The following RBMS3 variants were observed in gnomAD, a reference collection of about 807,000 sequenced individuals.
RBMS3 encodes RNA-binding motif, single-stranded-interacting protein 3.
A neutral mutation model predicts 66.8 loss-of-function variants in RBMS3; 27 were observed. The observed-to-expected ratio is 0.40, with a 90% CI of 0.30 to 0.56. RBMS3 has a LOEUF of 0.56. Ranked by LOEUF, RBMS3 falls within the 20% of genes least tolerant of loss-of-function variation. The pLI, the probability that RBMS3 is intolerant of heterozygous loss-of-function variation, is 0.40. For synonymous variants in RBMS3, 188 were observed against 183.0 expected, an observed-to-expected ratio of 1.03 and a Z score of -0.22; for missense variants, 513 against 549.5, an observed-to-expected ratio of 0.93 and a Z score of 0.66.
chr3:29,785,933 C>A (rs2056802172), intron 6 of RBMS3, among the ~76,000 whole-genome samples: 1 of 151,760 alleles, frequency 6.6e-6, no homozygotes, highest in East Asian at 1.9e-4. Context: ...GATCGTATAC[C>A]TAGAAAACCC....
At chr3:29,609,423 T>C (rs932732342) in intron 4 of RBMS3, among the ~76,000 whole-genome samples, 1 of 151,968 alleles carries the variant, frequency 6.6e-6, no homozygotes, top group Non-Finnish European at 1.5e-5. Flanking sequence ...GTACAGTGAT[T>C]CTGGGCATCC....
At chr3:29,855,700 C>T (rs186523089) in intron 6 of RBMS3, among the ~76,000 whole-genome samples, 1 of 152,286 alleles carries the variant, frequency 6.6e-6, no homozygotes, top group Admixed American at 6.5e-5. Context: ...AAAAGCCTGA[C>T]AGATATATCC....
rs538358161 is a variant in RBMS3, at chr3:29,293,673, A to G, written c.75+11917A>G. On this transcript the variant is annotated intron_variant, in intron 1 of 14. Transcript: ENST00000383767. ...CTTGCTTTAACATTGTGTCTTCTCC[A>G]TCTCCCTGTCTTTCCCAGATTGTCC... Among the ~76,000 whole-genome samples the G allele has an allele frequency of 2.8e-4, 42 of 151,208 alleles. 1 individual carries two copies. The South Asian group carries it at 6.8e-3, about 25-fold the overall frequency.
intron 6 of RBMS3, among the ~76,000 whole-genome samples, chr3:29,854,660 G>GT (rs1276528766): frequency 6.6e-6 from 1 of 151,848 alleles, no homozygotes; most frequent in African/African-American, 2.4e-5. Flanking sequence ...GTAAAGAATG[G>GT]TTTTACTTTG....
chr3:29,973,700 C>G lies in RBMS3; in HGVS notation c.1099-14443C>G, dbSNP rs146345113. 1.2e-4 allele frequency among the ~76,000 whole-genome samples: 19 copies of G among 152,110 alleles called. No homozygotes were observed. In the East Asian group the frequency reaches 3.7e-3, roughly 29 times the overall value. ...GCTCCTCACTTCTGGTGACCTTTCT[C>G]TATTCTATCCTAGAATTTATCTTTA... is the stretch of plus-strand genomic sequence containing the variant. On this transcript the variant is annotated intron_variant, in intron 12 of 14. Transcript: ENST00000383767.
chr3:29,707,305 G>A (rs1184145192), intron 4 of RBMS3, among the ~76,000 whole-genome samples: 1 of 152,168 alleles, frequency 6.6e-6, no homozygotes, highest in Admixed American at 6.5e-5. Flanking sequence ...AAATAAATCA[G>A]TCTACTTTTG....
chr3:29,349,698 G>A (rs557699151), intron 1 of RBMS3, among the ~76,000 whole-genome samples: 68 of 152,216 alleles, frequency 4.5e-4, no homozygotes, highest in African/African-American at 1.5e-3. Context: ...GTATTGTATC[G>A]TGTGTCTAAC....
chr3:29,835,236 G>A lies in RBMS3; in HGVS notation c.638-33622G>A, dbSNP rs148402382. Among the ~76,000 whole-genome samples, 65 of 151,924 alleles carry A rather than the reference G, an allele frequency of 4.3e-4. No homozygotes were observed. In the East Asian group the frequency reaches 0.011, roughly 27 times the overall value. ...TCAATAACGAATAGATCGTCCAGAC[G>A]GAAATCAATAAGAAAACATTGGACT... On this transcript the variant is annotated intron_variant, in intron 6 of 14. Transcript: ENST00000383767.
chr3:29,811,845 T>A (rs1237760126), intron 6 of RBMS3, among the ~76,000 whole-genome samples: 1 of 152,134 alleles, frequency 6.6e-6, no homozygotes, highest in East Asian at 1.9e-4. Context: ...TGGAGTTAGG[T>A]TGAGGAGCTA....
At chr3:29,494,736 T>C (rs1258354943) in intron 3 of RBMS3, among the ~76,000 whole-genome samples, 1 of 152,226 alleles carries the variant, frequency 6.6e-6, no homozygotes, top group African/African-American at 2.4e-5. Flanking sequence ...CTTAAAAGAA[T>C]TCACTTGTCT....
chr3:29,287,607 C>T (rs2032464243), intron 1 of RBMS3, among the ~76,000 whole-genome samples: 1 of 152,010 alleles, frequency 6.6e-6, no homozygotes, highest in Non-Finnish European at 1.5e-5. Flanking sequence ...ACAACTTTTG[C>T]TTCCATTTCT....
chr3:29,788,146 C>G (rs2056884223), intron 6 of RBMS3, among the ~76,000 whole-genome samples: 1 of 151,746 alleles, frequency 6.6e-6, no homozygotes, highest in African/African-American at 2.4e-5. Context: ...TGGCAAGTAC[C>G]CACCCTTCTC....
chr3:29,649,546 T>G (rs1440958440), intron 4 of RBMS3, among the ~76,000 whole-genome samples: 2 of 152,186 alleles, frequency 1.3e-5, no homozygotes, highest in East Asian at 3.8e-4. Context: ...AGGGAAAAAG[T>G]GCTGTCATGG....
chr3:29,774,846 T>C (rs1212651650), intron 6 of RBMS3, among the ~76,000 whole-genome samples: 2 of 152,036 alleles, frequency 1.3e-5, no homozygotes, highest in East Asian at 1.9e-4. Context: ...AAAATAGTGT[T>C]TTTAAATAAA....
chr3:29,863,392 G>A (rs1319385394), intron 6 of RBMS3, among the ~76,000 whole-genome samples: 2 of 151,844 alleles, frequency 1.3e-5, no homozygotes, highest in East Asian at 1.9e-4. Flanking sequence ...AAAAGAAAAT[G>A]TATTTCTGGA....
chr3:29,707,602 C>T (rs1407395909), intron 4 of RBMS3, among the ~76,000 whole-genome samples: 1 of 152,178 alleles, frequency 6.6e-6, no homozygotes, highest in South Asian at 2.1e-4. Flanking sequence ...GTTTTTCTGT[C>T]TTTTCCATAA....
intron 3 of RBMS3, among the ~76,000 whole-genome samples, chr3:29,505,162 T>A (rs1007792876): frequency 6.6e-6 from 1 of 152,046 alleles, no homozygotes. Context: ...TTCGGCTGTG[T>A]TTTCTTCTAG....
intron 3 of RBMS3, among the ~76,000 whole-genome samples, chr3:29,519,019 G>T (rs114993945): frequency 6.6e-6 from 1 of 152,080 alleles, no homozygotes; most frequent in Non-Finnish European, 1.5e-5. Flanking sequence ...CAAATTCTGC[G>T]CTTTGAGTGT....
intron 10 of RBMS3, among the ~76,000 whole-genome samples, chr3:29,913,712 C>T (rs557324197): frequency 1.4e-4 from 21 of 151,984 alleles, no homozygotes; most frequent in Admixed American, 2.6e-4. Flanking sequence ...TATTCTTAAA[C>T]GGTTCTTAAT....
Sources: allele counts gnomAD v4.1 joint callset (sites outside exome capture counted in the v4.1 genomes callset), GRCh38; gene constraint gnomAD v4.1.1; transcripts MANE v1.5; gene names NCBI Gene and HGNC (gene_info 2026-07-23, HGNC 2026-07-21).